Variants in GSE1 observed in about 807,000 individuals in gnomAD.
GSE1 encodes the protein Gse1 coiled-coil protein, also known as genetic suppressor element 1.
In GSE1, 32 loss-of-function variants were observed where a neutral mutation model predicts 112.6. The observed-to-expected ratio is 0.28, with a 90% CI of 0.21 to 0.38. The LOEUF (loss-of-function observed/expected upper bound fraction) is 0.38, where lower values mean the gene tolerates loss of function less well. Ranked by LOEUF, GSE1 falls within the 10% of genes least tolerant of loss-of-function variation. The pLI is 1.00. For synonymous variants in GSE1, 1,115 were observed against 735.6 expected (o/e 1.52, Z -8.35); for missense variants, 2,348 against 1,699.2 (o/e 1.38, Z -6.71).
intron 14 of GSE1, chr16:85,670,483 T>G (rs138883092): frequency 1.3e-5 from 2 of 152,380 alleles, no homozygotes; most frequent in Non-Finnish European, 2.9e-5. Context: ...TATTGTACTT[T>G]GGTATCCAGA....
chr16:85,359,260 C>T lies in GSE1; in HGVS notation c.2464+1617C>T, dbSNP rs534642340. 133 of 393,264 alleles carry T rather than the reference C, an allele frequency of 3.4e-4. 2 individuals carry two copies. Among genetic ancestry groups the T allele is most frequent in the South Asian group, 2.4e-3 (131 of 54,174 alleles). 24.4% of individuals were successfully genotyped at this position (393,264 alleles called of 1,614,324 possible). On this transcript the variant is annotated intron_variant, in intron 2 of 2. Transcript: ENST00000637419. ...GTGCCCCTGTTTGGCGATGCGTCCTCCTGGGCCTGGCGGCTCACGGGTCAG... is the reference window on the plus strand; with the variant it reads ...GTGCCCCTGTTTGGCGATGCGTCCTTCTGGGCCTGGCGGCTCACGGGTCAG...
At chr16:85,671,439 C>CAAAAAAAAAAA (rs1159665909) in intron 15 of GSE1, among the ~76,000 whole-genome samples, 1,177 of 60,912 alleles carry the variant, frequency 0.019, 51 homozygotes, top group East Asian at 0.04. Context: ...GACTCCGTCT[C>CAAAAAAAAAAA]AAAAAAAAAA....
Position 85,654,445 on chromosome 16 carries a change from A to T in GSE1, c.594A>T (p.Pro198=), listed in dbSNP as rs367838938. ...SSVVQDSRFP[P]LNLQRPVHHV... Reference sequence around the variant, plus strand: ...TTGTGCAGGATTCCCGCTTCCCGCCACTCAAGTAAGTTGGTCGGCGGGGAC... The same window carrying T: ...TTGTGCAGGATTCCCGCTTCCCGCCTCTCAAGTAAGTTGGTCGGCGGGGAC... The change falls in exon 4 of 16, where the codon CCA becomes CCT. Residue 198 remains proline (P), a synonymous_variant. Coordinates refer to ENST00000253458, the MANE Select transcript of GSE1 (RefSeq NM_014615.5). 5.1e-6 allele frequency: 8 copies of T among 1,564,716 alleles called. No individual in the cohort carries two copies. Among genetic ancestry groups the T allele is most frequent in the Admixed American group, 1.8e-5 (1 of 54,580 alleles).
intron 1 of GSE1, among the ~76,000 whole-genome samples, chr16:85,331,679 GTGTGTGTATA>G (rs1567693404): frequency 2.7e-5 from 1 of 36,932 alleles, no homozygotes; most frequent in African/African-American, 1.1e-4. Flanking sequence ...GTGTGTGTGT[GTGTGTGTATA>G]TATATATATA....
chr16:85,454,222 G>A (rs545548969), intron 2 of GSE1, among the ~76,000 whole-genome samples: 13 of 152,330 alleles, frequency 8.5e-5, no homozygotes, highest in South Asian at 2.1e-4. Flanking sequence ...TGCCTCATTC[G>A]ATCCTGAGAT....
At chr16:85,365,508 C>T (rs898476491) in intron 2 of GSE1, among the ~76,000 whole-genome samples, 8 of 152,198 alleles carry the variant, frequency 5.3e-5, no homozygotes, top group African/African-American at 9.7e-5. Context: ...CATTGCAGAG[C>T]GTAGCCTTGG....
At chr16:85,380,299 A>G (rs1421857585) in intron 2 of GSE1, among the ~76,000 whole-genome samples, 1 of 152,162 alleles carries the variant, frequency 6.6e-6, no homozygotes, top group Non-Finnish European at 1.5e-5. Flanking sequence ...GAGAGTAGTT[A>G]AGGTCTTCTT....
chr16:85,510,180 T>C (rs2051686659), intron 2 of GSE1, among the ~76,000 whole-genome samples: 1 of 152,162 alleles, frequency 6.6e-6, no homozygotes, highest in African/African-American at 2.4e-5. Context: ...GCTCAGCTGC[T>C]CAGAAAGAAA....
intron 1 of GSE1, among the ~76,000 whole-genome samples, chr16:85,312,212 G>GGT (rs1390326226): frequency 6.6e-6 from 1 of 151,698 alleles, no homozygotes; most frequent in Non-Finnish European, 1.5e-5. Context: ...TGCGGGGGGG[G>GGT]GGGGGACACA....
At chr16:85,584,467 A>G (rs958357278) in intron 1 of GSE1, among the ~76,000 whole-genome samples, 3 of 152,200 alleles carry the variant, frequency 2.0e-5, no homozygotes, top group African/African-American at 7.2e-5. Context: ...CCGGGTACTG[A>G]TCCATCAATA....
intron 7 of GSE1, among the ~76,000 whole-genome samples, 163 bp downstream of exon 7, chr16:85,656,828 T>G (rs780325260): frequency 6.6e-6 from 1 of 152,220 alleles, no homozygotes; most frequent in African/African-American, 2.4e-5. Context: ...CAGAGGCACG[T>G]TGGCACACGA....
intron 1 of GSE1, among the ~76,000 whole-genome samples, chr16:85,260,192 T>C (rs1424870266): frequency 6.6e-6 from 1 of 152,154 alleles, no homozygotes; most frequent in Non-Finnish European, 1.5e-5. Context: ...TGCCCTCCCA[T>C]GGTACCTGGA....
At chr16:85,494,389 C>G (rs957119881) in intron 2 of GSE1, among the ~76,000 whole-genome samples, 1 of 152,032 alleles carries the variant, frequency 6.6e-6, no homozygotes, top group African/African-American at 2.4e-5. Flanking sequence ...CACCCTATTC[C>G]AAAATGACCT....
chr16:85,604,471 G>A (rs914697187), intron 1 of GSE1, among the ~76,000 whole-genome samples: 7 of 152,002 alleles, frequency 4.6e-5, no homozygotes, highest in Admixed American at 1.3e-4. Context: ...AGGAACATCC[G>A]TACAAGGTTT....
At chr16:85,351,680 C>G (rs1365002655) in intron 1 of GSE1, among the ~76,000 whole-genome samples, 2 of 152,172 alleles carry the variant, frequency 1.3e-5, no homozygotes, top group Non-Finnish European at 2.9e-5. Context: ...AGTTGTATCT[C>G]AATAAAGCAT....
At chr16:85,403,859 T>A (rs1433902544) in intron 2 of GSE1, among the ~76,000 whole-genome samples, 1 of 152,116 alleles carries the variant, frequency 6.6e-6, no homozygotes, top group Non-Finnish European at 1.5e-5. Flanking sequence ...AGGCCAGAAC[T>A]CCAGCATCAA....
chr16:85,513,329 A>G (rs2151936370), intron 2 of GSE1, among the ~76,000 whole-genome samples: 1 of 152,212 alleles, frequency 6.6e-6, no homozygotes, highest in Admixed American at 6.5e-5. Context: ...CTCCCAGCTC[A>G]GCCACTTTGC....
chr16:85,612,567 A>G (rs1241117356), upstream of GSE1, among the ~76,000 whole-genome samples: 5 of 148,826 alleles, frequency 3.4e-5, no homozygotes, highest in African/African-American at 1.2e-4. Flanking sequence ...TTTAAAGAAC[A>G]CCCCCCGCAG....
Position 85,442,099 on chromosome 16 carries a change from C to T in GSE1, c.2464+84456C>T, listed in dbSNP as rs532846624. On this transcript the variant is annotated intron_variant, in intron 2 of 2. Coordinates refer to the GSE1 transcript ENST00000637419. ...CTGTTTCTGCCTCAGGGCCTTTGCACCTGCTGTTGTGGATGGCCTGGAGAT... is the reference window on the plus strand; with the variant it reads ...CTGTTTCTGCCTCAGGGCCTTTGCATCTGCTGTTGTGGATGGCCTGGAGAT... 7.9e-5 allele frequency among the ~76,000 whole-genome samples: 12 copies of T among 152,348 alleles called. No homozygotes were observed. The South Asian group carries it at 2.5e-3, about 32-fold the overall frequency.
Sources: allele counts gnomAD v4.1 joint callset (sites outside exome capture counted in the v4.1 genomes callset), GRCh38; gene constraint gnomAD v4.1.1; transcripts MANE v1.5; gene names NCBI Gene and HGNC (gene_info 2026-07-23, HGNC 2026-07-21).